RGS8: variants seen among roughly 807,000 people sequenced by gnomAD.
RGS8 encodes the protein regulator of G-protein signaling 8.
A neutral mutation model predicts 21.7 loss-of-function variants in RGS8; 8 were observed. The observed-to-expected ratio is 0.37, with a 90% CI of 0.22 to 0.66. The LOEUF (loss-of-function observed/expected upper bound fraction) is 0.66, where lower values mean the gene tolerates loss of function less well. Ranked by LOEUF, RGS8 falls within the 30% of genes least tolerant of loss-of-function variation. The pLI, the probability that RGS8 is intolerant of heterozygous loss-of-function variation, is 0.59. For missense variants in RGS8, 157 were observed against 217.9 expected (o/e 0.72, Z 1.76); for synonymous variants, 80 against 83.6 (o/e 0.96, Z 0.24).
At chr1:182,671,784 G>A (rs1040887905) in intron 1 of RGS8, 54 bp from the exon 3 acceptor site, 1 of 1,608,162 alleles carries the variant, frequency 6.2e-7, no homozygotes, top group Non-Finnish European at 8.5e-7. Context: ...CGAGTGAAGG[G>A]CATGTGTGCA....
upstream of RGS8, chr1:182,672,814 C>T: frequency 6.2e-7 from 1 of 1,614,130 alleles, no homozygotes; most frequent in Middle Eastern, 1.6e-4. Flanking sequence ...TTCAAACCTC[C>T]TTACCCACAT....
chr1:182,677,146 C>T (rs1664391316), upstream of RGS8, among the ~76,000 whole-genome samples: 2 of 152,212 alleles, frequency 1.3e-5, no homozygotes. Context: ...CAGCCCTGAG[C>T]TTCAACCCCA....
the RGS8 span, among the ~76,000 whole-genome samples, chr1:182,742,227 C>G: frequency 9.2e-4 from 137 of 149,324 alleles, 4 homozygotes; most frequent in East Asian, 0.024. Context: ...GGATGGCGGC[C>G]GGGCAGAGAT....
intron 5 of RGS8, among the ~76,000 whole-genome samples, chr1:182,657,965 C>A (rs1229287396): frequency 1.3e-5 from 2 of 152,152 alleles, no homozygotes; most frequent in African/African-American, 4.8e-5. Flanking sequence ...GACAGAAGGA[C>A]CTGCTGTTTT....
chr1:182,742,505 G>C, the RGS8 span, among the ~76,000 whole-genome samples: 44 of 152,368 alleles, frequency 2.9e-4, no homozygotes, highest in South Asian at 6.2e-4. Context: ...GGGAGGCCGA[G>C]GCTGGCGGAT....
upstream of RGS8, among the ~76,000 whole-genome samples, chr1:182,674,866 A>G (rs968281149): frequency 3.3e-5 from 5 of 152,108 alleles, no homozygotes; most frequent in African/African-American, 1.2e-4. Flanking sequence ...TCTTACAGGA[A>G]CACAGTGATT....
chr1:182,701,496 T>C, the RGS8 span, among the ~76,000 whole-genome samples: 1 of 152,184 alleles, frequency 6.6e-6, no homozygotes, highest in African/African-American at 2.4e-5. Flanking sequence ...CAAATGTAAC[T>C]TTTTGTCCCT....
chr1:182,696,780 T>G, the RGS8 span, among the ~76,000 whole-genome samples: 1 of 152,196 alleles, frequency 6.6e-6, no homozygotes, highest in Non-Finnish European at 1.5e-5. Context: ...TGATCATGAA[T>G]CTCTGAGTCA....
chr1:182,668,225 A>G (rs1242865768), intron 3 of RGS8, among the ~76,000 whole-genome samples: 65 of 152,318 alleles, frequency 4.3e-4, no homozygotes, highest in Non-Finnish European at 1.5e-5. Flanking sequence ...TTTAACTATG[A>G]CAACTCCTTG....
the RGS8 span, among the ~76,000 whole-genome samples, chr1:182,726,562 C>T: frequency 6.6e-6 from 1 of 151,694 alleles, no homozygotes; most frequent in Non-Finnish European, 1.5e-5. Context: ...CCCAGCTGCT[C>T]AGAAGTCAGA....
At chr1:182,693,323 C>G in the RGS8 span, among the ~76,000 whole-genome samples, 1 of 152,142 alleles carries the variant, frequency 6.6e-6, no homozygotes, top group Non-Finnish European at 1.5e-5. Context: ...TGAACAGACA[C>G]TTTTCAAAAG....
chr1:182,648,101 C>T, intron 6 of RGS8, 36 bp downstream of exon 7: 1 of 1,561,006 alleles, frequency 6.4e-7, no homozygotes. Context: ...AGCTAGGAGC[C>T]ATGGATAGAC....
chr1:182,689,732 C>T, the RGS8 span, among the ~76,000 whole-genome samples: 1 of 152,142 alleles, frequency 6.6e-6, no homozygotes, highest in African/African-American at 2.4e-5. Flanking sequence ...ACAAAGAAAG[C>T]TGCTGAACTC....
At chr1:182,700,815 C>T in the RGS8 span, among the ~76,000 whole-genome samples, 2 of 152,286 alleles carry the variant, frequency 1.3e-5, no homozygotes, top group South Asian at 2.1e-4. Context: ...CTAATTTGAT[C>T]ATCATGATAG....
chr1:182,689,244 C>G (rs865808547), upstream of RGS8, among the ~76,000 whole-genome samples: 19 of 148,370 alleles, frequency 1.3e-4, no homozygotes, highest in East Asian at 3.0e-3. Context: ...CTCTCTCGTG[C>G]ACGCGCACGC....
the RGS8 span, among the ~76,000 whole-genome samples, chr1:182,730,579 A>T: frequency 1.3e-5 from 2 of 152,026 alleles, no homozygotes; most frequent in Admixed American, 6.6e-5. Flanking sequence ...GCACAGTGGC[A>T]GGTGCCTGTA....
chr1:182,674,576 T>C (rs1041881630), upstream of RGS8, among the ~76,000 whole-genome samples: 2 of 152,152 alleles, frequency 1.3e-5, no homozygotes, highest in Non-Finnish European at 2.9e-5. Context: ...GACACCAGCA[T>C]AATCTTCCAA....
chr1:182,691,019 A>T, the RGS8 span, among the ~76,000 whole-genome samples: 1 of 152,226 alleles, frequency 6.6e-6, no homozygotes, highest in Non-Finnish European at 1.5e-5. Flanking sequence ...CCTGTATTGT[A>T]CCAACTCACA....
the RGS8 span, among the ~76,000 whole-genome samples, chr1:182,711,824 A>G: frequency 6.6e-6 from 1 of 152,202 alleles, no homozygotes; most frequent in African/African-American, 2.4e-5. Flanking sequence ...GAACAGCAGG[A>G]AACTCTAACC....
Sources: allele counts gnomAD v4.1 joint callset (sites outside exome capture counted in the v4.1 genomes callset), GRCh38; gene constraint gnomAD v4.1.1; transcripts MANE v1.5; gene names NCBI Gene and HGNC (gene_info 2026-07-23, HGNC 2026-07-21).